The following COL14A1 variants were observed in gnomAD, a reference collection of about 807,000 sequenced individuals.
COL14A1 encodes collagen type XIV alpha 1 chain.
In COL14A1, 136 loss-of-function variants were observed where a neutral mutation model predicts 230.3. The observed-to-expected ratio is 0.59, with a 90% CI of 0.51 to 0.68. The LOEUF (loss-of-function observed/expected upper bound fraction) is 0.68. COL14A1 is among the 30% of genes least tolerant of loss of function. The pLI is 0.00. For synonymous variants in COL14A1, 792 were observed against 784.1 expected, an observed-to-expected ratio of 1.01 and a Z score of -0.17; for missense variants, 1,976 against 2,215.8, an observed-to-expected ratio of 0.89 and a Z score of 2.17.
Position 120,345,350 on chromosome 8 carries a change from G to T in COL14A1, c.4889-25G>T, listed in dbSNP as rs371555500. On this transcript the variant is annotated intron_variant, in intron 44 of 47. Transcript: ENST00000297848. ...TTCCTTGTGTGACAGTTCACTGAAT[G>T]CTGTCTTTATGCTTCATACCTCAGG... The T allele has an allele frequency of 4.6e-6, 7 of 1,534,218 alleles. No individual in the cohort carries two copies. The African/African-American group carries it at 7.2e-5, about 16-fold the overall frequency.
chr8:120,221,875 A>G (rs1342679494), intron 14 of COL14A1, among the ~76,000 whole-genome samples: 1 of 152,200 alleles, frequency 6.6e-6, no homozygotes, highest in African/African-American at 2.4e-5. Context: ...GACAATATGT[A>G]TCAAGTCCCT....
chr8:120,147,880 TTCCACC>T lies in COL14A1; in HGVS notation c.40_45del (p.Pro14_Pro15del). Reference sequence around the variant, plus strand: ...CAGCGCAAGATGCGGTACTGGTTGCTTCCACCTTTTTTGGCAATTGTTTATTTCTGC... The same window carrying T: ...CAGCGCAAGATGCGGTACTGGTTGCTTTTTTTGGCAATTGTTTATTTCTGC... On this transcript the variant is annotated inframe_deletion, in exon 2 of 48. Transcript: ENST00000297848. 6.2e-7 allele frequency: 1 copy of T among 1,614,086 alleles called. No homozygotes were observed. Among genetic ancestry groups the T allele is most frequent in the East Asian group, 2.2e-5 (1 of 44,868 alleles).
chr8:120,211,951 C>T (rs562934203), intron 12 of COL14A1, among the ~76,000 whole-genome samples: 17 of 152,334 alleles, frequency 1.1e-4, no homozygotes, highest in African/African-American at 2.6e-4. Context: ...AATTCAACTG[C>T]GTGGATTCTC....
In COL14A1 at chr8:120,158,169, A is replaced by T; in HGVS notation, c.128A>T (p.His43Leu). The T allele has an allele frequency of 6.2e-7, 1 of 1,608,332 alleles. No homozygotes were observed. The highest frequency in any genetic ancestry group is 8.5e-7 in the Non-Finnish European group (1 of 1,176,712). ...PTRLRYNVIS[H>L]DSIQISWKAP... ...AGGTTAAGATATAATGTAATATCTC[A>T]TGACAGTATACAGATTTCATGGAAG... is the stretch of plus-strand genomic sequence containing the variant. Residue 43 changes from histidine to leucine, a missense_variant, in exon 3 of 48, where the codon CAT becomes CTT. Physicochemically the swap from His to Leu is moderately conservative, Grantham distance 99. Transcript: ENST00000297848.
chr8:120,206,828 G>A, intron 9 of COL14A1, 115 bp from the exon 10 acceptor site: 1 of 1,044,322 alleles, frequency 9.6e-7, no homozygotes, highest in Non-Finnish European at 1.3e-6. Context: ...TATCTAAAGA[G>A]GAAAATCTTA....
intron 40 of COL14A1, among the ~76,000 whole-genome samples, chr8:120,318,594 G>A (rs922982772): frequency 1.3e-5 from 2 of 152,096 alleles, no homozygotes; most frequent in Non-Finnish European, 2.9e-5. Context: ...TGGACACGAA[G>A]CACCCCAGAA....
intron 5 of COL14A1, among the ~76,000 whole-genome samples, chr8:120,168,567 A>G (rs1678779313): frequency 6.6e-6 from 1 of 152,168 alleles, no homozygotes; most frequent in Admixed American, 6.5e-5. Flanking sequence ...TGTAAATTGC[A>G]TGGGCTCTCC....
chr8:120,301,382 G>T (rs925857397), intron 36 of COL14A1, among the ~76,000 whole-genome samples: 10 of 152,148 alleles, frequency 6.6e-5, no homozygotes, highest in Admixed American at 3.9e-4. Flanking sequence ...AGGCCCCCGT[G>T]TCTGTTGTTC....
intron 25 of COL14A1, among the ~76,000 whole-genome samples, chr8:120,268,157 A>C (rs1819552880): frequency 6.6e-6 from 1 of 151,786 alleles, no homozygotes; most frequent in Non-Finnish European, 1.5e-5. Context: ...TATTTCCCAG[A>C]ATACATTATA....
At chr8:120,156,116 G>A (rs1206379384) in intron 2 of COL14A1, among the ~76,000 whole-genome samples, 1 of 151,524 alleles carries the variant, frequency 6.6e-6, no homozygotes, top group Non-Finnish European at 1.5e-5. Context: ...ATTTCATACT[G>A]ATTTCAGTTT....
intron 40 of COL14A1, among the ~76,000 whole-genome samples, chr8:120,328,011 G>A (rs959431283): frequency 2.0e-5 from 3 of 152,052 alleles, no homozygotes; most frequent in Non-Finnish European, 4.4e-5. Context: ...TCATCTGCCC[G>A]CCTCGGCCTC....
chr8:120,130,378 T>C (rs947525337), intron 1 of COL14A1, among the ~76,000 whole-genome samples: 1 of 152,192 alleles, frequency 6.6e-6, no homozygotes, highest in Non-Finnish European at 1.5e-5. Context: ...TTTCTGCCTT[T>C]ATACTGTTTT....
intron 12 of COL14A1, 38 bp from the exon 13 acceptor site, chr8:120,212,410 G>GT (rs1422224632): frequency 1.2e-6 from 2 of 1,607,204 alleles, no homozygotes; most frequent in Admixed American, 3.4e-5. Context: ...TGAATAATAT[G>GT]TATTGGCAAA....
chr8:120,165,951 G>C (rs868170239), intron 4 of COL14A1, among the ~76,000 whole-genome samples: 13 of 152,188 alleles, frequency 8.5e-5, no homozygotes, highest in Middle Eastern at 6.8e-3. Context: ...TTTTAATTGG[G>C]GGATTTGAAG....
chr8:120,128,228 C>CGTGT (rs33988612), intron 1 of COL14A1, among the ~76,000 whole-genome samples: 5,051 of 146,704 alleles, frequency 0.034, 120 homozygotes, highest in East Asian at 0.074. Context: ...TGTGCGCGCG[C>CGTGT]GTGTGTGTGT....
Position 120,216,389 on chromosome 8 carries a change from G to T in COL14A1, c.1636G>T (p.Val546Phe). 2 of 1,613,574 alleles carry T rather than the reference G, an allele frequency of 1.2e-6. No individual in the cohort carries two copies. Among genetic ancestry groups the T allele is most frequent in the Non-Finnish European group, 1.7e-6 (2 of 1,179,848 alleles). ...SPPRNLRISN[V>F]GSNSARLTWD... is the part of the protein sequence containing the mutation. The stretch of plus-strand genomic sequence containing the variant: ...ACCAAGAAACCTGAGAATCTCCAAT[G>T]TTGGCTCTAACAGTGCTCGATTAAC... Residue 546 changes from valine to phenylalanine, a missense_variant, in exon 14 of 48, where the codon GTT (valine) becomes TTT (phenylalanine). Val to Phe is a conservative substitution (Grantham distance 50). Around this residue, in one of 3 missense-constraint regions of COL14A1, gnomAD observed 1,791 missense variants for 2,019.5 expected, o/e 0.89. Coordinates refer to ENST00000297848, the MANE Select transcript of COL14A1 (RefSeq NM_021110.4).
chr8:120,192,763 C>T (rs1816872518), intron 5 of COL14A1, among the ~76,000 whole-genome samples: 1 of 152,070 alleles, frequency 6.6e-6, no homozygotes, highest in South Asian at 2.1e-4. Flanking sequence ...TCTTTTTTCT[C>T]TAAACTTCCC....
chr8:120,250,737 G>T lies in COL14A1; in HGVS notation c.2723G>T (p.Ser908Ile). The T allele has an allele frequency of 1.9e-6, 3 of 1,614,210 alleles. No homozygotes were observed. The highest frequency in any genetic ancestry group is 2.5e-6 in the Non-Finnish European group (3 of 1,180,046). Residue 908 changes from serine (S) to isoleucine (I), a missense_variant, in exon 22 of 48, where the codon AGC (serine) becomes ATC (isoleucine). This residue lies in a region of COL14A1 where 1,791 missense variants were observed against 2,019.5 expected (regional missense o/e 0.89). Coordinates refer to ENST00000297848, the MANE Select transcript of COL14A1 (RefSeq NM_021110.4). ...TTTGCCTCCCAGGCCTCAGGCTTCA[G>T]CGACGCCCTGACAGGCATGGTGAAA... ...KIFASQASGF[S>I]DALTGMVKTL...
intron 45 of COL14A1, among the ~76,000 whole-genome samples, chr8:120,354,815 G>T (rs1462503146): frequency 6.6e-6 from 1 of 152,154 alleles, no homozygotes; most frequent in African/African-American, 2.4e-5. Flanking sequence ...ACTTAGCATT[G>T]AAGAGGCCTC....
Sources: allele counts gnomAD v4.1 joint callset (sites outside exome capture counted in the v4.1 genomes callset), GRCh38; gene constraint gnomAD v4.1.1; regional missense constraint gnomAD v4.1.1; transcripts MANE v1.5; gene names NCBI Gene and HGNC (gene_info 2026-07-23, HGNC 2026-07-21).